C12orf42: variants seen among roughly 807,000 people sequenced by gnomAD.
The protein encoded by C12orf42 is chromosome 12 open reading frame 42, also known as uncharacterized protein C12orf42.
A neutral mutation model predicts 21.6 loss-of-function variants in C12orf42; 25 were observed. The observed-to-expected ratio is 1.16, with a 90% CI of 0.84 to 1.62. The LOEUF is 1.62. Ranked by LOEUF, C12orf42 falls within the 40% of genes most tolerant of loss-of-function variation. The pLI is 0.00. For synonymous variants in C12orf42, 174 were observed against 175.0 expected (o/e 0.99, Z 0.05); for missense variants, 483 against 459.3 (o/e 1.05, Z -0.47).
chr12:103,156,507 AT>A, the C12orf42 span, among the ~76,000 whole-genome samples: 2 of 152,042 alleles, frequency 1.3e-5, no homozygotes, highest in Non-Finnish European at 2.9e-5. Flanking sequence ...TAAAAAGTGA[AT>A]TTTTTTCTTC....
chr12:103,128,375 C>T, the C12orf42 span, among the ~76,000 whole-genome samples: 1,168 of 152,266 alleles, frequency 7.7e-3, 20 homozygotes, highest in African/African-American at 0.027. Context: ...AGAACCGGCA[C>T]CATTATATGG....
At chr12:103,068,947 A>C in the C12orf42 span, among the ~76,000 whole-genome samples, 21 of 43,676 alleles carry the variant, frequency 4.8e-4, 1 homozygote, top group Non-Finnish European at 5.9e-4. Context: ...ATATATATAT[A>C]TATATATATA....
At position 103,294,428 on chromosome 12, in the gene C12orf42, GAGAAAGAAAGAAAGAAAGAA is replaced by G. The variant is rs58968326; in HGVS notation, n.338-17238_338-17219del. ...AAGAAAGAAAGAGAGAAAGGAGAGA[GAGAAAGAAAGAAAGAAAGAA>G]AGAAAGAAAGAAAGAAAGAAAGAAA... On this transcript the variant is annotated intron_variant and non_coding_transcript_variant, in intron 4 of 6. Transcript: ENST00000546526. 3.9e-3 allele frequency among the ~76,000 whole-genome samples: 374 copies of G among 96,062 alleles called. 2 individuals carry two copies. The highest frequency in any genetic ancestry group is 6.3e-3 in the Non-Finnish European group (317 of 50,392). 63.0% of individuals were successfully genotyped at this position (96,062 alleles called of 152,430 possible).
intron 1 of C12orf42, among the ~76,000 whole-genome samples, chr12:103,480,118 A>T (rs1288716499): frequency 6.6e-6 from 1 of 151,894 alleles, no homozygotes; most frequent in East Asian, 1.9e-4. Context: ...TTATTTAATG[A>T]TTATAGGGTT....
At chr12:103,393,461 T>C (rs761550359) in intron 3 of C12orf42, among the ~76,000 whole-genome samples, 12 of 152,094 alleles carry the variant, frequency 7.9e-5, no homozygotes, top group Admixed American at 3.3e-4. Flanking sequence ...AACTCCAACA[T>C]TGGGGATTAT....
intron 1 of C12orf42, among the ~76,000 whole-genome samples, chr12:103,489,433 G>C (rs946524572): frequency 5.3e-5 from 8 of 152,242 alleles, no homozygotes; most frequent in African/African-American, 1.9e-4. Flanking sequence ...GAAGCAGTCT[G>C]TCTGTTCTCA....
chr12:103,522,739 C>T, the C12orf42 span, among the ~76,000 whole-genome samples: 2 of 152,186 alleles, frequency 1.3e-5, no homozygotes, highest in African/African-American at 2.4e-5. Flanking sequence ...ATAACACACC[C>T]TTGGATGGGC....
intron 1 of C12orf42, among the ~76,000 whole-genome samples, chr12:103,490,502 G>A (rs1052191839): frequency 3.3e-5 from 5 of 151,898 alleles, no homozygotes; most frequent in African/African-American, 1.2e-4. Flanking sequence ...TTTATCCATT[G>A]ATTTTATTTT....
the C12orf42 span, among the ~76,000 whole-genome samples, chr12:103,148,915 T>C: frequency 1.3e-5 from 2 of 152,204 alleles, no homozygotes; most frequent in Non-Finnish European, 2.9e-5. Flanking sequence ...TTATAACTCA[T>C]GAAGGAATTT....
intron 5 of C12orf42, among the ~76,000 whole-genome samples, chr12:103,272,104 G>C (rs2035508374): frequency 6.6e-6 from 1 of 152,128 alleles, no homozygotes. Flanking sequence ...TAAGAGGTGA[G>C]AACAAGGAGG....
upstream of C12orf42, among the ~76,000 whole-genome samples, chr12:103,498,639 G>A (rs569091657): frequency 5.9e-5 from 9 of 152,248 alleles, no homozygotes; most frequent in South Asian, 1.9e-3. Context: ...ATCAATGATA[G>A]ACTGGATAAA....
chr12:103,547,446 G>T, the C12orf42 span, among the ~76,000 whole-genome samples: 1 of 152,186 alleles, frequency 6.6e-6, no homozygotes, highest in East Asian at 1.9e-4. Context: ...CAATCAGGTC[G>T]TGATTGTCTA....
chr12:103,551,880 G>C, the C12orf42 span, among the ~76,000 whole-genome samples: 2 of 152,048 alleles, frequency 1.3e-5, no homozygotes, highest in Non-Finnish European at 2.9e-5. Flanking sequence ...AAAAGGAAAA[G>C]AAGTAGAAGG....
At chr12:103,392,723 C>G (rs950276372) in intron 3 of C12orf42, among the ~76,000 whole-genome samples, 2 of 152,206 alleles carry the variant, frequency 1.3e-5, no homozygotes, top group Non-Finnish European at 1.5e-5. Flanking sequence ...CTCACTTAAT[C>G]TTGAAACAAA....
At chr12:103,168,175 C>A in the C12orf42 span, 1 of 438,286 alleles carries the variant, frequency 2.3e-6, no homozygotes. Context: ...GAAGATTCCT[C>A]CCACTTTTCT....
At chr12:103,120,657 A>T in the C12orf42 span, among the ~76,000 whole-genome samples, 1 of 151,616 alleles carries the variant, frequency 6.6e-6, no homozygotes, top group African/African-American at 2.4e-5. Context: ...TGAGAATTAA[A>T]TGAAATAAAC....
rs565739110 is a variant in C12orf42, at chr12:103,466,546, G to T, written c.78+11803C>A. Reference sequence around the variant, plus strand: ...CACTTTTAATAATAGGTTATAAAAAGAAACAGATTTCTGTCTCTCCCTGAC... The same window carrying T: ...CACTTTTAATAATAGGTTATAAAAATAAACAGATTTCTGTCTCTCCCTGAC... On this transcript the variant is annotated intron_variant, in intron 2 of 5. Transcript: ENST00000548883. Among the ~76,000 whole-genome samples the T allele has an allele frequency of 6.2e-5, 9 of 144,018 alleles. No homozygotes were observed. In the East Asian group the frequency reaches 1.8e-3, roughly 29 times the overall value. 94.5% of individuals were successfully genotyped at this position (144,018 alleles called of 152,430 possible).
At chr12:103,470,572 G>T (rs1373164490) in intron 2 of C12orf42, among the ~76,000 whole-genome samples, 2 of 152,040 alleles carry the variant, frequency 1.3e-5, no homozygotes, top group Admixed American at 6.6e-5. Flanking sequence ...AAGGATCTTT[G>T]TCCCCTCCCC....
chr12:103,346,017 G>A (rs886618039), intron 4 of C12orf42, among the ~76,000 whole-genome samples: 4 of 152,130 alleles, frequency 2.6e-5, no homozygotes, highest in African/African-American at 9.7e-5. Context: ...TCACTCCATT[G>A]ACCATACTTC....
Sources: allele counts gnomAD v4.1 joint callset (sites outside exome capture counted in the v4.1 genomes callset), GRCh38; gene constraint gnomAD v4.1.1; transcripts MANE v1.5; gene names NCBI Gene and HGNC (gene_info 2026-07-23, HGNC 2026-07-21).